CNTN5: variants seen among roughly 807,000 people sequenced by gnomAD.
The protein encoded by CNTN5 is contactin 5.
CNTN5 carries 77 observed loss-of-function variants against 129.1 expected under a neutral mutation model. The observed-to-expected ratio is 0.60, with a 90% CI of 0.50 to 0.72. The LOEUF is 0.72. Among genes scored for constraint, CNTN5 ranks in the 30% least tolerant of loss-of-function variants. The pLI is 0.00. For synonymous variants in CNTN5, 509 were observed against 465.6 expected (o/e 1.09, Z -1.20); for missense variants, 1,478 against 1,328.8 (o/e 1.11, Z -1.75).
chr11:99,710,547 T>TTG (rs71050017), intron 3 of CNTN5, among the ~76,000 whole-genome samples: 5,081 of 145,832 alleles, frequency 0.035, 245 homozygotes, highest in African/African-American at 0.1. Context: ...CTGCTCTAGA[T>TTG]TGTGTGTGTG....
intron 2 of CNTN5, among the ~76,000 whole-genome samples, chr11:99,481,218 A>G (rs191855747): frequency 3.5e-4 from 54 of 152,190 alleles, no homozygotes; most frequent in Admixed American, 1.6e-3. Flanking sequence ...TAAAATTTTC[A>G]TCTTTGGAAT....
chr11:99,277,559 A>T (rs550898760), intron 1 of CNTN5, among the ~76,000 whole-genome samples: 2 of 151,622 alleles, frequency 1.3e-5, no homozygotes, highest in Non-Finnish European at 3.0e-5. Context: ...TTTTTCTGGG[A>T]CATTGTGTTT....
At chr11:100,347,264 T>C (rs1305398229) in intron 23 of CNTN5, among the ~76,000 whole-genome samples, 1 of 152,106 alleles carries the variant, frequency 6.6e-6, no homozygotes, top group Non-Finnish European at 1.5e-5. Flanking sequence ...TCCCTGTATT[T>C]CTCTAGCTTC....
chr11:99,946,990 T>G (rs1347217063), intron 7 of CNTN5, among the ~76,000 whole-genome samples: 3 of 151,008 alleles, frequency 2.0e-5, no homozygotes, highest in African/African-American at 7.4e-5. Flanking sequence ...TTATAAAAAT[T>G]AATATATAAG....
chr11:100,298,205 C>T (rs763843765), intron 19 of CNTN5, among the ~76,000 whole-genome samples: 3 of 151,362 alleles, frequency 2.0e-5, no homozygotes, highest in Non-Finnish European at 4.4e-5. Flanking sequence ...AGAGCAACTC[C>T]TTGACAATCT....
chr11:100,358,743 G>C lies in CNTN5; in HGVS notation c.*2523G>C, dbSNP rs1384804247. 6.6e-6 allele frequency: 1 copy of C among 151,862 alleles called. No individual in the cohort carries two copies. Among genetic ancestry groups the C allele is most frequent in the Non-Finnish European group, 1.5e-5 (1 of 67,858 alleles). 9.4% of individuals were successfully genotyped at this position (151,862 alleles called of 1,614,324 possible). On this transcript the variant is annotated 3_prime_UTR_variant, in exon 25 of 25. Transcript: ENST00000524871. ...GGTACTGTGGACCCCATGTCAAACTGTTAAATATATTGTGTACGATCTGTA... is the reference window on the plus strand; with the variant it reads ...GGTACTGTGGACCCCATGTCAAACTCTTAAATATATTGTGTACGATCTGTA...
intron 3 of CNTN5, among the ~76,000 whole-genome samples, chr11:99,677,918 G>A (rs772580554): frequency 6.6e-6 from 1 of 151,882 alleles, no homozygotes; most frequent in Non-Finnish European, 1.5e-5. Flanking sequence ...TACCGCTTTT[G>A]CCCTTTTTAT....
intron 6 of CNTN5, among the ~76,000 whole-genome samples, chr11:99,889,707 T>A (rs1461570119): frequency 1.3e-5 from 2 of 151,836 alleles, no homozygotes; most frequent in Non-Finnish European, 2.9e-5. Context: ...AGCTAATTTT[T>A]AAAATATTTT....
At chr11:99,856,306 G>C (rs1377089057) in intron 6 of CNTN5, among the ~76,000 whole-genome samples, 1 of 152,184 alleles carries the variant, frequency 6.6e-6, no homozygotes, top group Non-Finnish European at 1.5e-5. Context: ...TCAGCTAACT[G>C]CAGTGTCAGC....
chr11:99,767,936 A>G (rs971700309), intron 3 of CNTN5, among the ~76,000 whole-genome samples: 1 of 152,144 alleles, frequency 6.6e-6, no homozygotes, highest in Non-Finnish European at 1.5e-5. Context: ...ATACTCACGT[A>G]GCTCAGGGAT....
intron 1 of CNTN5, among the ~76,000 whole-genome samples, chr11:99,090,721 G>GAAAA (rs934808247): frequency 2.1e-5 from 2 of 94,124 alleles, no homozygotes; most frequent in East Asian, 3.0e-4. Context: ...GTGCTCACCA[G>GAAAA]AAAAAAAAAA....
At chr11:99,753,200 G>T (rs72645407) in intron 3 of CNTN5, among the ~76,000 whole-genome samples, 26,460 of 139,698 alleles carry the variant, frequency 0.19, 3,215 homozygotes, top group East Asian at 0.64. Flanking sequence ...TCGACTCACT[G>T]CAAGCGCTGC....
intron 17 of CNTN5, among the ~76,000 whole-genome samples, chr11:100,268,753 C>T (rs1197901697): frequency 6.6e-6 from 1 of 152,060 alleles, no homozygotes; most frequent in African/African-American, 2.4e-5. Context: ...GAGATATCAA[C>T]ATAGTTTGAA....
intron 7 of CNTN5, among the ~76,000 whole-genome samples, chr11:99,938,158 T>A (rs11221972): frequency 0.6 from 91,754 of 151,918 alleles, 28,623 homozygotes; most frequent in African/African-American, 0.77. Context: ...GTGATACTTA[T>A]AGCTTCCAAA....
chr11:100,014,927 T>C (rs1011639139), intron 9 of CNTN5, among the ~76,000 whole-genome samples: 2 of 152,140 alleles, frequency 1.3e-5, no homozygotes, highest in Admixed American at 1.3e-4. Context: ...ATCATCAGCC[T>C]ACATAAGGAG....
At chr11:99,856,961 TCTGA>T (rs764497666) in intron 6 of CNTN5, among the ~76,000 whole-genome samples, 40 of 152,210 alleles carry the variant, frequency 2.6e-4, no homozygotes, top group Non-Finnish European at 5.3e-4. Flanking sequence ...CCCACGTCTC[TCTGA>T]CTGTCTTCCT....
intron 1 of CNTN5, among the ~76,000 whole-genome samples, chr11:99,287,051 G>C (rs531712437): frequency 6.6e-6 from 1 of 152,130 alleles, no homozygotes; most frequent in East Asian, 1.9e-4. Context: ...GTGAAGTTTT[G>C]GGGAAACATG....
At chr11:100,107,871 T>A (rs1424441049) in intron 13 of CNTN5, among the ~76,000 whole-genome samples, 2 of 152,122 alleles carry the variant, frequency 1.3e-5, no homozygotes, top group African/African-American at 4.8e-5. Context: ...CATGTGTGTG[T>A]GCTTAATATC....
At chr11:99,871,217 C>A (rs185642760) in intron 6 of CNTN5, among the ~76,000 whole-genome samples, 3 of 151,682 alleles carry the variant, frequency 2.0e-5, no homozygotes, top group Non-Finnish European at 4.4e-5. Context: ...AAAATATGAC[C>A]ACAAAAGAGA....
Sources: gnomAD v4.1 joint callset for allele counts (sites outside exome capture counted in the v4.1 genomes callset) on GRCh38, gnomAD v4.1.1 for gene constraint, MANE v1.5 for transcripts, NCBI Gene and HGNC (gene_info 2026-07-23, HGNC 2026-07-21) for gene names.